The following SPSB4 variants were observed in gnomAD, a reference collection of about 807,000 sequenced individuals.
The protein encoded by SPSB4 is SPRY domain-containing SOCS box protein 4.
SPSB4 carries 21 observed loss-of-function variants against 20.9 expected under a neutral mutation model. The ratio of observed to expected loss-of-function variants is 1.01; its 90% CI spans 0.71 to 1.45. SPSB4 has a LOEUF of 1.45. Among genes scored for constraint, SPSB4 ranks in the 40% most tolerant of loss-of-function variants. SPSB4 has a pLI of 0.00. For synonymous variants in SPSB4, 207 were observed against 183.8 expected (o/e 1.13, Z -1.02); for missense variants, 399 against 399.2 (o/e 1.00, Z 0.00).
rs57674247 is a variant in SPSB4 at position 141,142,803 on chromosome 3, C to CTTT, written c.695-4310_695-4308dup. Among the ~76,000 whole-genome samples, 424 of 62,038 alleles carry CTTT rather than the reference C, an allele frequency of 6.8e-3. 69 individuals are homozygous for CTTT. Among genetic ancestry groups the CTTT allele is most frequent in the Non-Finnish European group, 0.01 (311 of 30,588 alleles). The allele number at this position is 62,038 out of a possible 152,430, so 40.7% of individuals were successfully genotyped here. A position where few individuals can be genotyped will look rare whatever the true frequency, so the allele number is the denominator to read the frequency against. ...ATTATGATATAATGTCCCTCTTTGT[C>CTTT]TTTTTTTTTTTTTTTTTTTTTTTTT... On this transcript the variant is annotated intron_variant, in intron 2 of 2. Transcript: ENST00000310546.
At chr3:141,072,453 T>C (rs1938025569) in intron 2 of SPSB4, among the ~76,000 whole-genome samples, 1 of 152,218 alleles carries the variant, frequency 6.6e-6, no homozygotes, top group African/African-American at 2.4e-5. Flanking sequence ...GGTGCCCTCC[T>C]CGTGGTAATG....
chr3:141,087,245 C>T (rs375910470), intron 2 of SPSB4, among the ~76,000 whole-genome samples: 1 of 152,100 alleles, frequency 6.6e-6, no homozygotes. Flanking sequence ...GTTGACTGGC[C>T]GGAAGGAGAC....
At chr3:141,078,782 G>A (rs987608654) in intron 2 of SPSB4, among the ~76,000 whole-genome samples, 3 of 152,194 alleles carry the variant, frequency 2.0e-5, no homozygotes, top group Admixed American at 1.3e-4. Flanking sequence ...CAGGAGGTAC[G>A]GTGCTCTTGT....
intron 2 of SPSB4, among the ~76,000 whole-genome samples, chr3:141,135,285 G>A (rs72983851): frequency 0.028 from 4,305 of 151,532 alleles, 209 homozygotes; most frequent in African/African-American, 0.1. Context: ...TTAATATACC[G>A]TAATTTATTT....
intron 1 of SPSB4, among the ~76,000 whole-genome samples, chr3:141,058,578 T>C (rs985895301): frequency 6.6e-6 from 1 of 152,158 alleles, no homozygotes; most frequent in Non-Finnish European, 1.5e-5. Context: ...CAGTGCTGCA[T>C]GCTGTAGTGG....
intron 2 of SPSB4, among the ~76,000 whole-genome samples, chr3:141,088,009 T>C (rs1050516288): frequency 2.2e-4 from 33 of 152,300 alleles, no homozygotes; most frequent in African/African-American, 7.5e-4. Flanking sequence ...TAGGCAGCAC[T>C]GTGTTTAACA....
chr3:141,143,966 A>C (rs896798693), intron 2 of SPSB4, among the ~76,000 whole-genome samples: 2 of 152,272 alleles, frequency 1.3e-5, no homozygotes, highest in African/African-American at 4.8e-5. Context: ...GCCTATTTTT[A>C]GAAAAGACCA....
At position 141,065,994 on chromosome 3, in the gene SPSB4, C is replaced by T; in HGVS notation, c.-111C>T. 2 of 1,023,142 alleles carry T rather than the reference C, an allele frequency of 2.0e-6. No homozygotes were observed. Among genetic ancestry groups the T allele is most frequent in the Admixed American group, 7.1e-5 (2 of 28,252 alleles). The allele number at this position is 1,023,142 out of a possible 1,614,324, so 63.4% of individuals were successfully genotyped here. A position where few individuals can be genotyped will look rare whatever the true frequency, so the allele number is the denominator to read the frequency against. ...GCAGCCCGGTAGAGGCTGTGGAGGT[C>T]TACCGTCCGGAAGCCTGGTTCCCAG... On this transcript the variant is annotated 5_prime_UTR_variant, in exon 2 of 3. Transcript: ENST00000310546.
At chr3:141,143,559 A>G (rs1450959461) in intron 2 of SPSB4, among the ~76,000 whole-genome samples, 1 of 152,178 alleles carries the variant, frequency 6.6e-6, no homozygotes, top group Non-Finnish European at 1.5e-5. Flanking sequence ...GTCTTTGGTT[A>G]TAGATGTTTA....
intron 2 of SPSB4, among the ~76,000 whole-genome samples, chr3:141,096,420 C>T (rs1483301537): frequency 6.6e-6 from 1 of 152,216 alleles, no homozygotes; most frequent in Non-Finnish European, 1.5e-5. Context: ...ATTGACCAGT[C>T]TCAGAGAACT....
At chr3:141,073,084 C>T (rs1174892681) in intron 2 of SPSB4, among the ~76,000 whole-genome samples, 1 of 152,186 alleles carries the variant, frequency 6.6e-6, no homozygotes, top group Non-Finnish European at 1.5e-5. Context: ...TTTGAGCATA[C>T]ATTTTGATCC....
intron 2 of SPSB4, 96 bp downstream of exon 2, chr3:141,066,894 C>A: frequency 7.9e-7 from 1 of 1,267,886 alleles, no homozygotes; most frequent in East Asian, 2.6e-5. Context: ...TGGGAGGATC[C>A]TGCAATGTGG....
intron 2 of SPSB4, among the ~76,000 whole-genome samples, chr3:141,116,777 A>G (rs745515396): frequency 6.6e-6 from 1 of 152,228 alleles, no homozygotes; most frequent in African/African-American, 2.4e-5. Context: ...TAATGTTACT[A>G]TTATTATTGC....
chr3:141,135,970 G>C (rs1322131007), intron 2 of SPSB4, among the ~76,000 whole-genome samples: 1 of 152,110 alleles, frequency 6.6e-6, no homozygotes, highest in Admixed American at 6.5e-5. Flanking sequence ...CAGTGTAAAA[G>C]TGTTCCTATT....
At chr3:141,126,974 C>A (rs1438465748) in intron 2 of SPSB4, among the ~76,000 whole-genome samples, 4 of 152,222 alleles carry the variant, frequency 2.6e-5, no homozygotes, top group Non-Finnish European at 4.4e-5. Context: ...AGGGATGGGA[C>A]CTTCTTCCAC....
chr3:141,057,965 T>C (rs1403684104), intron 1 of SPSB4, among the ~76,000 whole-genome samples: 2 of 152,202 alleles, frequency 1.3e-5, no homozygotes, highest in Non-Finnish European at 2.9e-5. Flanking sequence ...TTGAGTCTTA[T>C]GCTTTTCAGC....
At chr3:141,065,878 T>C in intron 1 of SPSB4, 74 bp from the exon 2 acceptor site, 1 of 503,302 alleles carries the variant, frequency 2.0e-6, no homozygotes, top group South Asian at 3.0e-5. Flanking sequence ...AGCCAAGGCA[T>C]GGACATAAAT....
chr3:141,139,987 T>C (rs1408166014), intron 2 of SPSB4, among the ~76,000 whole-genome samples: 1 of 152,230 alleles, frequency 6.6e-6, no homozygotes, highest in Non-Finnish European at 1.5e-5. Context: ...GATGTAGATT[T>C]GGTCTTTTCA....
chr3:141,066,577 G>A lies in SPSB4; in HGVS notation c.473G>A (p.Gly158Asp). The change falls in exon 2 of 3, where the codon GGC (glycine) becomes GAC (aspartate). Residue 158 changes from glycine (G) to aspartate (D), a missense_variant. Gly to Asp is a moderately conservative substitution (Grantham distance 94, BLOSUM62 -1). Coordinates refer to ENST00000310546, the MANE Select transcript of SPSB4 (RefSeq NM_080862.3). ...RLYHDGKNQP[G>D]VAYPAFLGPD... Reference sequence around the variant, plus strand: ...TACCACGACGGCAAGAACCAGCCCGGCGTGGCCTACCCGGCCTTTCTGGGG... The same window carrying A: ...TACCACGACGGCAAGAACCAGCCCGACGTGGCCTACCCGGCCTTTCTGGGG... The A allele has an allele frequency of 6.4e-7, 1 of 1,554,442 alleles. No homozygotes were observed. Among genetic ancestry groups the A allele is most frequent in the South Asian group, 1.2e-5 (1 of 81,932 alleles).
Sources: gnomAD v4.1 joint callset for allele counts (sites outside exome capture counted in the v4.1 genomes callset) on GRCh38, gnomAD v4.1.1 for gene constraint, MANE v1.5 for transcripts, NCBI Gene and HGNC (gene_info 2026-07-23, HGNC 2026-07-21) for gene names.